The following BSDC1 variants were observed in gnomAD, a reference collection of about 807,000 sequenced individuals.
BSDC1 encodes the protein BSD domain containing 1, also known as BSD domain-containing protein 1.
Under a neutral mutation model 56.0 loss-of-function variants are expected in BSDC1, and 29 were observed. The ratio of observed to expected loss-of-function variants is 0.52; its 90% CI spans 0.39 to 0.71. The LOEUF is 0.71. Among genes scored for constraint, BSDC1 ranks in the 30% least tolerant of loss-of-function variants. BSDC1 has a pLI of 0.00. For missense variants in BSDC1, 477 were observed against 548.5 expected (o/e 0.87, Z 1.30); for synonymous variants, 210 against 215.3 (o/e 0.98, Z 0.21).
intron 2 of BSDC1, among the ~76,000 whole-genome samples, chr1:32,390,730 G>A (rs1642837093): frequency 6.6e-6 from 1 of 152,112 alleles, no homozygotes; most frequent in Non-Finnish European, 1.5e-5. Flanking sequence ...GGGCAACATG[G>A]CGAGATCTCA....
At chr1:32,369,390 T>C in intron 9 of BSDC1, 2 of 893,896 alleles carry the variant, frequency 2.2e-6, no homozygotes, top group Non-Finnish European at 3.1e-6. Flanking sequence ...ACCTAAGGAG[T>C]CCCAGCTACT....
intron 4 of BSDC1, among the ~76,000 whole-genome samples, chr1:32,383,129 T>C (rs1232871049): frequency 6.6e-6 from 1 of 152,064 alleles, no homozygotes; most frequent in Non-Finnish European, 1.5e-5. Context: ...CTATATTCAC[T>C]TGTAAGAATT....
In BSDC1 at chr1:32,377,970, C is replaced by T; in HGVS notation, c.676G>A (p.Glu226Lys). The T allele has an allele frequency of 6.2e-7, 1 of 1,612,218 alleles. No homozygotes were observed. The highest frequency in any genetic ancestry group is 8.5e-7 in the Non-Finnish European group (1 of 1,178,972). Reference sequence around the variant, plus strand: ...CCCCTCACCTCTCAACGCCTCTTACCTTCCTCCTCCTCCCAGCCGGGCTCT... The same window carrying T: ...CCCCTCACCTCTCAACGCCTCTTACTTTCCTCCTCCTCCCAGCCGGGCTCT... ...SEEPGWEEEE[E>K]ELMGISPISP... The change falls in exon 8 of 11, where the codon GAG (glutamate) becomes AAG (lysine). Residue 226 changes from glutamate (E) to lysine (K), a missense_variant and splice_region_variant. Coordinates refer to ENST00000455895, the MANE Select transcript of BSDC1 (RefSeq NM_018045.8).
chr1:32,369,287 A>G (rs1360873016), intron 9 of BSDC1: 1 of 1,289,666 alleles, frequency 7.8e-7, no homozygotes, highest in African/African-American at 1.5e-5. Flanking sequence ...AGGCTCCAAG[A>G]GAGTCACAGA....
chr1:32,394,344 A>T, intron 1 of BSDC1, 60 bp downstream of exon 1: 1 of 1,613,624 alleles, frequency 6.2e-7, no homozygotes. Context: ...ACTCTCGCCC[A>T]GCACCCCAAC....
intron 10 of BSDC1, chr1:32,367,998 G>T: frequency 8.9e-7 from 1 of 1,126,632 alleles, no homozygotes; most frequent in Non-Finnish European, 1.1e-6. Context: ...AACTCAGAAG[G>T]TCAGGCAGGG....
At chr1:32,394,305 C>G in intron 1 of BSDC1, 99 bp downstream of exon 1, 1 of 1,598,614 alleles carries the variant, frequency 6.3e-7, no homozygotes, top group South Asian at 1.1e-5. Context: ...TCAGTCCACG[C>G]CCCCGCTGAT....
chr1:32,389,943 A>C (rs528350322), intron 2 of BSDC1, among the ~76,000 whole-genome samples: 1 of 150,284 alleles, frequency 6.7e-6, no homozygotes, highest in South Asian at 2.1e-4. Flanking sequence ...ACTGCACTCC[A>C]GTCTGGGTAA....
intron 9 of BSDC1, chr1:32,374,776 C>T (rs967624617): frequency 6.6e-6 from 1 of 152,306 alleles, no homozygotes; most frequent in Admixed American, 6.5e-5. Flanking sequence ...TCCTCCAGTA[C>T]CAGACTGGCC....
chr1:32,378,265 G>T lies in BSDC1; in HGVS notation c.547C>A (p.His183Asn). The T allele has an allele frequency of 6.2e-7, 1 of 1,614,226 alleles. No individual in the cohort carries two copies. Reference protein sequence around the residue: ...YTKMVPAAVSHSEFWHRYFYK... With the variant: ...YTKMVPAAVSNSEFWHRYFYK... ...AAATACCGATGCCAGAATTCTGAAT[G>T]GGAAACAGCTGCTGGAACCTGGAGG... The change falls in exon 7 of 11, where the codon CAT becomes AAT. Residue 183 changes from histidine to asparagine, a missense_variant. Transcript: ENST00000455895. The surrounding 1 kb of genome is among the most constrained non-coding windows in gnomAD (Gnocchi z 5.2).
At chr1:32,379,148 C>T (rs1642401382) in intron 5 of BSDC1, among the ~76,000 whole-genome samples, 2 of 152,238 alleles carry the variant, frequency 1.3e-5, no homozygotes, top group Non-Finnish European at 1.5e-5. Flanking sequence ...CCAAAGCCAA[C>T]ATCTATTTCT....
At position 32,378,070 on chromosome 1, in the gene BSDC1, G is replaced by T. The variant is rs748031007; in HGVS notation, c.598-22C>A. ...GCTCCTGAATGTGGGGGAGCAGAAGGCCACAGGCAGTCAGGGCACCCTCTT... is the reference window on the plus strand; with the variant it reads ...GCTCCTGAATGTGGGGGAGCAGAAGTCCACAGGCAGTCAGGGCACCCTCTT... On this transcript the variant is annotated intron_variant, in intron 7 of 10. Coordinates refer to ENST00000455895, the MANE Select transcript of BSDC1 (RefSeq NM_018045.8). This position sits in a 1 kb window ranked among gnomAD's most constrained non-coding sequence, Gnocchi z 5.2. 9.4e-6 allele frequency: 15 copies of T among 1,601,714 alleles called. No homozygotes were observed. The highest frequency in any genetic ancestry group is 1.3e-5 in the Non-Finnish European group (15 of 1,172,908).
chr1:32,379,757 T>C (rs1470953198), intron 5 of BSDC1, among the ~76,000 whole-genome samples: 3 of 152,206 alleles, frequency 2.0e-5, no homozygotes, highest in Non-Finnish European at 4.4e-5. Context: ...CCTGGCTAAC[T>C]TGTGTCTTTT....
At chr1:32,381,122 G>A (rs536298005) in intron 5 of BSDC1, 92 bp downstream of exon 5, 31 of 1,287,248 alleles carry the variant, frequency 2.4e-5, no homozygotes, top group African/African-American at 2.3e-4. Flanking sequence ...GGGGGTGCCC[G>A]GCCTCTGCTA....
At chr1:32,382,925 T>G (rs955089591) in intron 4 of BSDC1, among the ~76,000 whole-genome samples, 5 of 149,638 alleles carry the variant, frequency 3.3e-5, no homozygotes, top group Non-Finnish European at 7.4e-5. Flanking sequence ...AATACGCTAC[T>G]GTGGCTGTTG....
rs903913889 is a variant in BSDC1, at chr1:32,376,698, C to T, written c.720G>A (p.Lys240=). The part of the protein sequence containing the change: ...GISPISPKEA[K]VPVAKISTFP... ...ATGTAGAAATTTTGGCCACAGGAAC[C>T]TTTGCCTCTTTTGGAGATATGGGTG... Residue 240 remains lysine (K), a synonymous_variant, in exon 9 of 11, where the codon AAG becomes AAA. Coordinates refer to ENST00000455895, the MANE Select transcript of BSDC1 (RefSeq NM_018045.8). The T allele has an allele frequency of 4.9e-6, 7 of 1,427,074 alleles. No homozygotes were observed. Among genetic ancestry groups the T allele is most frequent in the Non-Finnish European group, 6.5e-6 (7 of 1,079,324 alleles). 88.4% of individuals were successfully genotyped at this position (1,427,074 alleles called of 1,614,324 possible). A position where few individuals can be genotyped will look rare whatever the true frequency, so the allele number is the denominator to read the frequency against.
At position 32,383,927 on chromosome 1, in the gene BSDC1, T is replaced by TCTC; in HGVS notation, c.259_260insGAG (p.Ser86_Asp87insGly). ...TTTGTCTGGCGAAGGGGCAAAGGTG[T>TCTC]CTGAGATCACCCCTAGGAAGTCAGA... On this transcript the variant is annotated inframe_insertion, in exon 4 of 11. Coordinates refer to ENST00000455895, the MANE Select transcript of BSDC1 (RefSeq NM_018045.8). The TCTC allele has an allele frequency of 6.2e-7, 1 of 1,612,790 alleles. No homozygotes were observed. The highest frequency in any genetic ancestry group is 8.5e-7 in the Non-Finnish European group (1 of 1,180,030).
chr1:32,383,824 G>GCC lies in BSDC1; in HGVS notation c.357+5_357+6insGG. The stretch of plus-strand genomic sequence containing the variant: ...GGCATCTGCAGGGGAGACTGTCAGT[G>GCC]AATACCTTGGTGCCATCATAGGGCT... On this transcript the variant is annotated splice_donor_region_variant and intron_variant, in intron 4 of 10. Coordinates refer to ENST00000455895, the MANE Select transcript of BSDC1 (RefSeq NM_018045.8). The GCC allele has an allele frequency of 6.2e-7, 1 of 1,611,970 alleles. No individual in the cohort carries two copies. Among genetic ancestry groups the GCC allele is most frequent in the Non-Finnish European group, 8.5e-7 (1 of 1,179,816 alleles).
chr1:32,391,599 C>T (rs770507625), intron 2 of BSDC1, among the ~76,000 whole-genome samples: 13 of 152,170 alleles, frequency 8.5e-5, no homozygotes, highest in African/African-American at 2.7e-4. Context: ...TCTCTATCAA[C>T]GTGTATGCAC....
Sources: allele counts gnomAD v4.1 joint callset (sites outside exome capture counted in the v4.1 genomes callset), GRCh38; gene constraint gnomAD v4.1.1; non-coding constraint Gnocchi (gnomAD v3.1); transcripts MANE v1.5; gene names NCBI Gene and HGNC (gene_info 2026-07-23, HGNC 2026-07-21).